Variants in CDH20 observed in about 807,000 individuals in gnomAD.
The protein encoded by CDH20 is cadherin-20.
CDH20 carries 29 observed loss-of-function variants against 74.2 expected under a neutral mutation model. The observed-to-expected ratio is 0.39, with a 90% CI of 0.29 to 0.53. CDH20 has a LOEUF of 0.53. CDH20 is among the 20% of genes least tolerant of loss of function. The pLI is 0.69. For missense variants in CDH20, 988 were observed against 1,048.3 expected, an observed-to-expected ratio of 0.94 and a Z score of 0.79; for synonymous variants, 469 against 405.4, an observed-to-expected ratio of 1.16 and a Z score of -1.88.
chr18:61,359,413 GAAAAA>G (rs960042525), intron 1 of CDH20, among the ~76,000 whole-genome samples: 2 of 150,278 alleles, frequency 1.3e-5, no homozygotes, highest in Non-Finnish European at 3.0e-5. Flanking sequence ...AAGAAAGAAA[GAAAAA>G]AAAAGAAACC....
rs997628308 is a variant in CDH20 at position 61,353,496 on chromosome 18, G to GT, written c.-153+19675dup. On this transcript the variant is annotated intron_variant, in intron 1 of 11. Coordinates refer to ENST00000262717, the MANE Select transcript of CDH20 (RefSeq NM_031891.4). This position sits in a 1 kb window ranked among gnomAD's most constrained non-coding sequence, Gnocchi z 4.6. ...TCATTTGTCTACTTGTGGTCCTCTT[G>GT]TTTTTTCTAGAAGATGATCTGTAAT... 6.6e-6 allele frequency among the ~76,000 whole-genome samples: 1 copy of GT among 152,138 alleles called. No individual in the cohort carries two copies. The highest frequency in any genetic ancestry group is 2.1e-4 in the South Asian group (1 of 4,836).
At chr18:61,493,255 T>A (rs1470746072) in intron 2 of CDH20, among the ~76,000 whole-genome samples, 1 of 152,090 alleles carries the variant, frequency 6.6e-6, no homozygotes, top group African/African-American at 2.4e-5. Context: ...CATCTCCTCC[T>A]CTCTAGGCTC....
chr18:61,473,076 C>G (rs1368027735), intron 1 of CDH20, among the ~76,000 whole-genome samples: 3 of 152,208 alleles, frequency 2.0e-5, no homozygotes, highest in Non-Finnish European at 4.4e-5. Flanking sequence ...AAACACATCT[C>G]CCAGCAGGAT....
At chr18:61,436,457 G>A (rs1004159263) in intron 1 of CDH20, among the ~76,000 whole-genome samples, 10 of 152,182 alleles carry the variant, frequency 6.6e-5, no homozygotes, top group Admixed American at 5.9e-4. Flanking sequence ...CCTAGTGGAT[G>A]TAAAGTGCTG....
chr18:61,389,125 C>T (rs1026902465), intron 1 of CDH20, among the ~76,000 whole-genome samples: 1 of 152,160 alleles, frequency 6.6e-6, no homozygotes, highest in Non-Finnish European at 1.5e-5. Flanking sequence ...CTCCCCCTCT[C>T]ACATCTCTAC....
chr18:61,341,613 G>A (rs766543709), intron 1 of CDH20, among the ~76,000 whole-genome samples: 33 of 152,132 alleles, frequency 2.2e-4, no homozygotes, highest in Non-Finnish European at 2.6e-4. Flanking sequence ...ATTTGCAGAG[G>A]CACCAACCAT....
At chr18:61,465,415 C>A (rs1599103400) in intron 1 of CDH20, among the ~76,000 whole-genome samples, 1 of 152,096 alleles carries the variant, frequency 6.6e-6, no homozygotes, top group African/African-American at 2.4e-5. Flanking sequence ...CTGCATGGAC[C>A]TTTTGCTAGT....
intron 1 of CDH20, among the ~76,000 whole-genome samples, chr18:61,486,847 A>G (rs1391615008): frequency 1.3e-5 from 2 of 152,230 alleles, no homozygotes; most frequent in Non-Finnish European, 2.9e-5. Context: ...GCTAAGCAGT[A>G]GTTCCATTAA....
intron 1 of CDH20, among the ~76,000 whole-genome samples, chr18:61,386,166 C>T (rs1301546038): frequency 6.6e-6 from 1 of 152,160 alleles, no homozygotes; most frequent in Non-Finnish European, 1.5e-5. Context: ...AATACAGACT[C>T]TTAGACACTT....
chr18:61,418,980 T>C (rs1250508437), intron 1 of CDH20, among the ~76,000 whole-genome samples: 1 of 152,208 alleles, frequency 6.6e-6, no homozygotes, highest in Non-Finnish European at 1.5e-5. Flanking sequence ...TCTCTATACA[T>C]CAGAACTCAT....
At chr18:61,537,277 T>C (rs1440726036) in intron 8 of CDH20, among the ~76,000 whole-genome samples, 2 of 152,128 alleles carry the variant, frequency 1.3e-5, no homozygotes, top group African/African-American at 4.8e-5. Flanking sequence ...TTTGGCAATA[T>C]GTATTGAGAT....
rs760738654 is a variant in CDH20 at position 61,554,668 on chromosome 18, G to T, written c.2379G>T (p.Ala793=). The change falls in exon 12 of 12, where the codon GCG becomes GCT. Residue 793 remains alanine (A), a synonymous_variant. Coordinates refer to ENST00000262717, the MANE Select transcript of CDH20 (RefSeq NM_031891.4). ...RFRKLAELYG[A]SEGPAPLW is the part of the protein sequence containing the mutation. ...GGAAGCTGGCCGAGCTCTACGGGGCGTCGGAGGGACCCGCGCCGCTGTGGT... is the reference window on the plus strand; with the variant it reads ...GGAAGCTGGCCGAGCTCTACGGGGCTTCGGAGGGACCCGCGCCGCTGTGGT... 1.3e-6 allele frequency: 2 copies of T among 1,586,042 alleles called. No individual in the cohort carries two copies. Among genetic ancestry groups the T allele is most frequent in the South Asian group, 2.3e-5 (2 of 88,570 alleles).
At chr18:61,389,787 A>C (rs1239468466) in intron 1 of CDH20, among the ~76,000 whole-genome samples, 1 of 152,076 alleles carries the variant, frequency 6.6e-6, no homozygotes, top group Non-Finnish European at 1.5e-5. Context: ...TAAAATTTCT[A>C]TTATTAATTT....
chr18:61,487,252 A>T (rs1314923158), intron 1 of CDH20, among the ~76,000 whole-genome samples: 1 of 152,160 alleles, frequency 6.6e-6, no homozygotes, highest in East Asian at 1.9e-4. Flanking sequence ...CACCCCAAAC[A>T]CATTATTGCT....
chr18:61,470,647 T>A (rs1192373411), intron 1 of CDH20, among the ~76,000 whole-genome samples: 4 of 151,224 alleles, frequency 2.6e-5, no homozygotes, highest in African/African-American at 9.7e-5. Flanking sequence ...TGACACCAGA[T>A]AGAGAAAGGA....
At chr18:61,358,062 A>T (rs1441356591) in intron 1 of CDH20, among the ~76,000 whole-genome samples, 1 of 151,394 alleles carries the variant, frequency 6.6e-6, no homozygotes, top group African/African-American at 2.4e-5. Context: ...TTCAGTGAAC[A>T]TAGTCTCATC....
In CDH20 at chr18:61,554,750, C is replaced by T. The variant is rs373365710; in HGVS notation, c.*55C>T. 9 of 1,482,178 alleles carry T rather than the reference C, an allele frequency of 6.1e-6. No homozygotes were observed. The South Asian group carries it at 6.7e-5, about 11-fold the overall frequency. The allele number at this position is 1,482,178 out of a possible 1,614,324, so 91.8% of individuals were successfully genotyped here. A position where few individuals can be genotyped will look rare whatever the true frequency, so the allele number is the denominator to read the frequency against. On this transcript the variant is annotated 3_prime_UTR_variant, in exon 12 of 12. Transcript: ENST00000262717. ...ATCCAGACGTTCTCCGCGGGTGCTT[C>T]GCGGACAAGGTGCAGCCAACCACAC... is the stretch of plus-strand genomic sequence containing the variant.
At chr18:61,398,034 C>T (rs1912040618) in intron 1 of CDH20, among the ~76,000 whole-genome samples, 1 of 152,226 alleles carries the variant, frequency 6.6e-6, no homozygotes, top group African/African-American at 2.4e-5. Context: ...CTAGCTAAGT[C>T]AGAGTGCAAC....
intron 7 of CDH20, among the ~76,000 whole-genome samples, chr18:61,535,175 G>A (rs903300607): frequency 6.6e-6 from 1 of 151,872 alleles, no homozygotes; most frequent in African/African-American, 2.4e-5. Context: ...AATCAGCCAG[G>A]GATGGTGGCA....
Sources: gnomAD v4.1 joint callset for allele counts (sites outside exome capture counted in the v4.1 genomes callset) on GRCh38, gnomAD v4.1.1 for gene constraint, Gnocchi (gnomAD v3.1) non-coding constraint, MANE v1.5 for transcripts, NCBI Gene and HGNC (gene_info 2026-07-23, HGNC 2026-07-21) for gene names.